TRPC3: variants seen among roughly 807,000 people sequenced by gnomAD.
TRPC3 encodes the protein transient receptor potential cation channel subfamily C member 3, also known as short transient receptor potential channel 3.
TRPC3 carries 54 observed loss-of-function variants against 90.9 expected under a neutral mutation model. The ratio of observed to expected loss-of-function variants is 0.59; its 90% CI spans 0.48 to 0.75. The LOEUF is 0.75. Ranked by LOEUF, TRPC3 falls within the 30% of genes least tolerant of loss-of-function variation. The pLI, the probability that TRPC3 is intolerant of heterozygous loss-of-function variation, is 0.00. For synonymous variants in TRPC3, 424 were observed against 450.9 expected, an observed-to-expected ratio of 0.94 and a Z score of 0.75; for missense variants, 918 against 1,194.5, an observed-to-expected ratio of 0.77 and a Z score of 3.41.
intron 2 of TRPC3, among the ~76,000 whole-genome samples, chr4:121,929,310 A>G (rs528741700): frequency 6.6e-6 from 1 of 152,100 alleles, no homozygotes; most frequent in East Asian, 1.9e-4. Flanking sequence ...TTACAGCTGT[A>G]GTGTGATATA....
intron 10 of TRPC3, among the ~76,000 whole-genome samples, chr4:121,896,293 A>G (rs1343219619): frequency 1.3e-5 from 2 of 152,258 alleles, no homozygotes; most frequent in Non-Finnish European, 2.9e-5. Flanking sequence ...TATTCAACAT[A>G]GTATTGGATG....
intron 2 of TRPC3, among the ~76,000 whole-genome samples, chr4:121,927,609 T>G (rs1047963699): frequency 6.6e-6 from 1 of 152,150 alleles, no homozygotes; most frequent in Non-Finnish European, 1.5e-5. Flanking sequence ...TTTAAATAAT[T>G]AACGTGATTT....
chr4:121,881,088 C>A (rs559808416), intron 11 of TRPC3, among the ~76,000 whole-genome samples: 1 of 152,222 alleles, frequency 6.6e-6, no homozygotes, highest in Admixed American at 6.5e-5. Flanking sequence ...GCAGGAGACC[C>A]CCTGCCCTAC....
intron 10 of TRPC3, among the ~76,000 whole-genome samples, chr4:121,894,546 A>G (rs1286793516): frequency 1.4e-5 from 2 of 144,912 alleles, no homozygotes; most frequent in African/African-American, 5.1e-5. Context: ...GCTGGAAAGT[A>G]CACATTCTGT....
chr4:121,940,485 C>G (rs1274297241), intron 1 of TRPC3, among the ~76,000 whole-genome samples: 1 of 152,136 alleles, frequency 6.6e-6, no homozygotes, highest in Non-Finnish European at 1.5e-5. Flanking sequence ...TTTCTTGACC[C>G]TTTTACACCT....
intron 9 of TRPC3, among the ~76,000 whole-genome samples, chr4:121,900,811 G>T (rs1440039460): frequency 1.3e-5 from 2 of 152,162 alleles, no homozygotes; most frequent in Non-Finnish European, 2.9e-5. Context: ...TATTGTGGCA[G>T]TTTTTAACCA....
rs1364690878 is a variant in TRPC3 at position 121,951,577 on chromosome 4, C to A, written c.104G>T (p.Arg35Leu). ...EGEDEGAEPQ[R>L]RRRGWRGVNG... ...GACGCCCCTCCAGCCCCGGCGGCGG[C>A]GCTGCGGCTCCGCGCCCTCGTCCTC... The change falls in exon 1 of 12, where the codon CGC (arginine) becomes CTC (leucine). Residue 35 changes from arginine (R) to leucine (L), a missense_variant. Arg to Leu is a moderately radical substitution (Grantham distance 102). This residue lies in a region of TRPC3 where 609 missense variants were observed against 725.9 expected (regional missense o/e 0.84). Coordinates refer to ENST00000379645, the MANE Select transcript of TRPC3 (RefSeq NM_001130698.2). This position sits in a 1 kb window ranked among gnomAD's most constrained non-coding sequence, Gnocchi z 4.4. 6.9e-7 allele frequency: 1 copy of A among 1,449,784 alleles called. No individual in the cohort carries two copies. The highest frequency in any genetic ancestry group is 9.1e-7 in the Non-Finnish European group (1 of 1,097,364). 89.8% of individuals were successfully genotyped at this position (1,449,784 alleles called of 1,614,324 possible).
At chr4:121,942,995 C>T (rs115000071) in intron 1 of TRPC3, among the ~76,000 whole-genome samples, 112 of 152,294 alleles carry the variant, frequency 7.4e-4, no homozygotes, top group Non-Finnish European at 1.4e-3. Context: ...TACTGTATTG[C>T]TTTGCAATTG....
intron 4 of TRPC3, among the ~76,000 whole-genome samples, chr4:121,914,495 G>T (rs1215231811): frequency 6.6e-6 from 1 of 152,170 alleles, no homozygotes; most frequent in East Asian, 1.9e-4. Context: ...CAGTACAAGG[G>T]CTACTTCACT....
intron 7 of TRPC3, among the ~76,000 whole-genome samples, chr4:121,905,843 TA>T (rs1302899612): frequency 1.3e-5 from 2 of 152,128 alleles, no homozygotes. Flanking sequence ...CCTATAGAGT[TA>T]CTCTCTATTA....
At chr4:121,916,718 A>T (rs552289456) in intron 3 of TRPC3, among the ~76,000 whole-genome samples, 57 of 148,704 alleles carry the variant, frequency 3.8e-4, no homozygotes, top group Middle Eastern at 3.5e-3. Flanking sequence ...GTAAGAAATA[A>T]TTTTTTTTTT....
intron 1 of TRPC3, among the ~76,000 whole-genome samples, chr4:121,945,627 T>C (rs1396812894): frequency 1.3e-5 from 2 of 152,066 alleles, no homozygotes; most frequent in Non-Finnish European, 2.9e-5. Flanking sequence ...AATGAGGGAA[T>C]TGGCTATATA....
chr4:121,882,459 C>A, intron 10 of TRPC3, 30 bp from the exon 11 acceptor site: 1 of 1,595,870 alleles, frequency 6.3e-7, no homozygotes, highest in Non-Finnish European at 8.6e-7. Flanking sequence ...GATTAGATCT[C>A]CAATGATATA....
rs1044758043 is a variant in TRPC3, at chr4:121,878,754, C to T, written c.*982G>A. On this transcript the variant is annotated 3_prime_UTR_variant, in exon 12 of 12. Coordinates refer to ENST00000379645, the MANE Select transcript of TRPC3 (RefSeq NM_001130698.2). ...ATAAATGCCCCAAAAGGAACTGAAA[C>T]ACACCTGGGGATGCTTGGCCATGTC... Among the ~76,000 whole-genome samples, 1 of 152,134 alleles carries T rather than the reference C, an allele frequency of 6.6e-6. No homozygotes were observed.
In TRPC3 at chr4:121,877,685, G is replaced by GA. The variant is rs1252299894; in HGVS notation, c.*2050dup. On this transcript the variant is annotated 3_prime_UTR_variant, in exon 12 of 12. Coordinates refer to ENST00000379645, the MANE Select transcript of TRPC3 (RefSeq NM_001130698.2). ...ACAACACCTTGAAATGATGAATAAGGAAAAAGATGAAATATTAAAACTATA... is the reference window on the plus strand; with the variant it reads ...ACAACACCTTGAAATGATGAATAAGGAAAAAAGATGAAATATTAAAACTATA... Among the ~76,000 whole-genome samples the GA allele has an allele frequency of 7.0e-6, 1 of 141,988 alleles. No individual in the cohort carries two copies. Among genetic ancestry groups the GA allele is most frequent in the Non-Finnish European group, 1.5e-5 (1 of 65,890 alleles). 93.1% of individuals were successfully genotyped at this position (141,988 alleles called of 152,430 possible).
intron 10 of TRPC3, among the ~76,000 whole-genome samples, chr4:121,883,473 A>T (rs990603170): frequency 6.6e-6 from 1 of 152,192 alleles, no homozygotes; most frequent in Non-Finnish European, 1.5e-5. Flanking sequence ...AAAATGGGCA[A>T]AAGACAAACA....
At chr4:121,887,206 C>T (rs1267558142) in intron 10 of TRPC3, among the ~76,000 whole-genome samples, 5 of 152,168 alleles carry the variant, frequency 3.3e-5, no homozygotes, top group Non-Finnish European at 5.9e-5. Context: ...TTTTTGTTTT[C>T]TCTATTCCCA....
intron 8 of TRPC3, among the ~76,000 whole-genome samples, chr4:121,903,504 T>G (rs1209652007): frequency 6.6e-6 from 1 of 152,114 alleles, no homozygotes; most frequent in Non-Finnish European, 1.5e-5. Flanking sequence ...AGGGGAAAAA[T>G]GATTCTCAGA....
Position 121,951,800 on chromosome 4 carries a change from GC to G in TRPC3, c.-121del. 1.3e-6 allele frequency: 1 copy of G among 784,250 alleles called. No individual in the cohort carries two copies. The highest frequency in any genetic ancestry group is 1.8e-6 in the Non-Finnish European group (1 of 564,768). 48.6% of individuals were successfully genotyped at this position (784,250 alleles called of 1,614,324 possible). A position where few individuals can be genotyped will look rare whatever the true frequency, so the allele number is the denominator to read the frequency against. On this transcript the variant is annotated 5_prime_UTR_variant, in exon 1 of 12. It introduces an in-frame stop codon into an upstream open reading frame of the 5' UTR. Transcript: ENST00000379645. This position sits in a 1 kb window ranked among gnomAD's most constrained non-coding sequence, Gnocchi z 4.4. ...CCCGCGGCTTCCGGGGCCCCGGGCG[GC>G]CCAGGGCGGGAAGGCAGGAGCGGAG... is the stretch of plus-strand genomic sequence containing the variant.
Sources: gnomAD v4.1 joint callset for allele counts (sites outside exome capture counted in the v4.1 genomes callset) on GRCh38, gnomAD v4.1.1 for gene constraint, gnomAD v4.1.1 regional missense constraint, Gnocchi (gnomAD v3.1) non-coding constraint, MANE v1.5 for transcripts, NCBI Gene and HGNC (gene_info 2026-07-23, HGNC 2026-07-21) for gene names.